The following KCNQ5 variants were observed in gnomAD, a reference collection of about 807,000 sequenced individuals.
KCNQ5 encodes the protein potassium voltage-gated channel subfamily Q member 5.
KCNQ5 carries 30 observed loss-of-function variants against 98.2 expected under a neutral mutation model. The observed-to-expected ratio is 0.31, with a 90% CI of 0.23 to 0.41. KCNQ5 has a LOEUF of 0.41. Among genes scored for constraint, KCNQ5 ranks in the 10% least tolerant of loss-of-function variants. The pLI, the probability that KCNQ5 is intolerant of heterozygous loss-of-function variation, is 1.00. For missense variants in KCNQ5, 835 were observed against 1,182.5 expected, an observed-to-expected ratio of 0.71 and a Z score of 4.31; for synonymous variants, 458 against 449.4, an observed-to-expected ratio of 1.02 and a Z score of -0.24.
At chr6:72,879,675 T>C (rs1398252619) in intron 1 of KCNQ5, among the ~76,000 whole-genome samples, 2 of 152,214 alleles carry the variant, frequency 1.3e-5, no homozygotes, top group African/African-American at 4.8e-5. Flanking sequence ...CCTAATGTAA[T>C]GAGGTTATGC....
chr6:72,733,525 TC>T (rs1408891996), intron 1 of KCNQ5, among the ~76,000 whole-genome samples: 7 of 152,186 alleles, frequency 4.6e-5, no homozygotes, highest in South Asian at 2.1e-4. Flanking sequence ...TTTATGTCCA[TC>T]TTTTTAAAAA....
intron 1 of KCNQ5, among the ~76,000 whole-genome samples, chr6:72,670,763 T>A (rs1343218730): frequency 1.3e-5 from 2 of 152,158 alleles, no homozygotes; most frequent in Non-Finnish European, 2.9e-5. Context: ...TCTCTTCTTA[T>A]AAGGACATGA....
At chr6:73,099,925 G>T (rs923731149) in intron 5 of KCNQ5, among the ~76,000 whole-genome samples, 1 of 152,144 alleles carries the variant, frequency 6.6e-6, no homozygotes, top group African/African-American at 2.4e-5. Flanking sequence ...GATAGATCAG[G>T]ATAGGCCACA....
intron 1 of KCNQ5, among the ~76,000 whole-genome samples, chr6:72,635,034 C>CTT (rs1182687944): frequency 7.7e-5 from 11 of 142,826 alleles, no homozygotes; most frequent in South Asian, 2.2e-4. Context: ...TCCCCTCACC[C>CTT]TTTTTTTTTT....
intron 1 of KCNQ5, among the ~76,000 whole-genome samples, chr6:72,761,582 G>A (rs1035588821): frequency 1.3e-5 from 2 of 151,000 alleles, no homozygotes; most frequent in Admixed American, 6.6e-5. Flanking sequence ...AAACATAAAG[G>A]TTTATAAAGT....
intron 10 of KCNQ5, among the ~76,000 whole-genome samples, chr6:73,149,495 C>T (rs752385769): frequency 1.1e-4 from 16 of 152,062 alleles, no homozygotes; most frequent in East Asian, 9.7e-4. Flanking sequence ...AAAGGCACTA[C>T]CCATAAAAAG....
rs117220825 is a variant in KCNQ5, at chr6:72,826,013, C to A, written c.399-177895C>A. Among the ~76,000 whole-genome samples the A allele has an allele frequency of 7.9e-3, 1,207 of 152,214 alleles. 8 individuals carry two copies. The highest frequency in any genetic ancestry group is 0.012 in the Non-Finnish European group (844 of 68,012). ...AGCGTTGTGCCTGCAAGCAATCACA[C>A]TTCTCTGGTGGAAAAGCCATTCTGA... On this transcript the variant is annotated intron_variant, in intron 1 of 13. Transcript: ENST00000370398.
At chr6:72,708,667 C>G (rs747316397) in intron 1 of KCNQ5, among the ~76,000 whole-genome samples, 4 of 152,064 alleles carry the variant, frequency 2.6e-5, no homozygotes, top group Non-Finnish European at 5.9e-5. Flanking sequence ...GACTATAAGC[C>G]CACACCACCC....
rs202017289 is a variant in KCNQ5 at position 73,194,484 on chromosome 6, A to G, written c.1869A>G (p.Leu623=). 6.2e-7 allele frequency: 1 copy of G among 1,614,108 alleles called. No individual in the cohort carries two copies. The change falls in exon 14 of 14, where the codon CTA becomes CTG. Residue 623 remains leucine, a synonymous_variant. Transcript: ENST00000370398. ...CCATAGAATCCAAGCTGGACTGCCT[A>G]CTAGACATCTATCAACAGGTCCTTC... The part of the protein sequence containing the change: ...VQSIESKLDC[L]LDIYQQVLRK...
At chr6:72,995,828 A>G (rs1769271145) in intron 1 of KCNQ5, among the ~76,000 whole-genome samples, 1 of 152,230 alleles carries the variant, frequency 6.6e-6, no homozygotes, top group African/African-American at 2.4e-5. Flanking sequence ...ATTTAAGTTC[A>G]ATTTGAATCA....
At position 72,635,783 on chromosome 6, in the gene KCNQ5, T is replaced by C. The variant is rs139617610; in HGVS notation, c.398+13196T>C. Among the ~76,000 whole-genome samples the C allele has an allele frequency of 9.1e-3, 1,383 of 151,676 alleles. 12 individuals carry two copies. The highest frequency in any genetic ancestry group is 0.021 in the East Asian group (107 of 5,168). Reference sequence around the variant, plus strand: ...TTGCTTTCTTTTCCTCTGAAAGCTGTCTGTTCTTAAGAGATGCATTGAATT... The same window carrying C: ...TTGCTTTCTTTTCCTCTGAAAGCTGCCTGTTCTTAAGAGATGCATTGAATT... On this transcript the variant is annotated intron_variant, in intron 1 of 13. Coordinates refer to ENST00000370398, the MANE Select transcript of KCNQ5 (RefSeq NM_019842.4).
At chr6:72,648,906 T>A (rs1405325934) in intron 1 of KCNQ5, among the ~76,000 whole-genome samples, 2 of 151,916 alleles carry the variant, frequency 1.3e-5, no homozygotes, top group African/African-American at 4.8e-5. Flanking sequence ...ATACTCAAGG[T>A]GGTTATGTTC....
chr6:73,107,762 T>C lies in KCNQ5; in HGVS notation c.1029+2395T>C, dbSNP rs1015130573. On this transcript the variant is annotated intron_variant, in intron 6 of 13. Coordinates refer to ENST00000370398, the MANE Select transcript of KCNQ5 (RefSeq NM_019842.4). Reference sequence around the variant, plus strand: ...TTTTTATATGCAAATTAAATTAACCTATGTTGGAAATCTGAAAATTTTGCT... The same window carrying C: ...TTTTTATATGCAAATTAAATTAACCCATGTTGGAAATCTGAAAATTTTGCT... Among the ~76,000 whole-genome samples, 6 of 152,332 alleles carry C rather than the reference T, an allele frequency of 3.9e-5. 1 individual carries two copies.
chr6:72,847,881 T>A lies in KCNQ5; in HGVS notation c.399-156027T>A, dbSNP rs191852414. 1.8e-3 allele frequency among the ~76,000 whole-genome samples: 279 copies of A among 152,262 alleles called. 5 individuals are homozygous for A. The highest frequency in any genetic ancestry group is 0.017 in the Admixed American group (253 of 15,274). On this transcript the variant is annotated intron_variant, in intron 1 of 13. Coordinates refer to ENST00000370398, the MANE Select transcript of KCNQ5 (RefSeq NM_019842.4). ...TCTGACACTTAGAGTGGTAGCACCT[T>A]CCTTAGATCGGGAAAGCCAAATAGC...
rs149259741 is a variant in KCNQ5, at chr6:72,725,697, C to G, written c.398+103110C>G. On this transcript the variant is annotated intron_variant, in intron 1 of 13. Coordinates refer to ENST00000370398, the MANE Select transcript of KCNQ5 (RefSeq NM_019842.4). The stretch of plus-strand genomic sequence containing the variant: ...ATGTTTTCACCACAAAAAAAATGGT[C>G]AGTATGTGAGGTGGCAGCTTTGTTA... 1.6e-3 allele frequency among the ~76,000 whole-genome samples: 249 copies of G among 152,198 alleles called. 2 individuals carry two copies. The highest frequency in any genetic ancestry group is 5.8e-3 in the African/African-American group (239 of 41,538).
intron 1 of KCNQ5, among the ~76,000 whole-genome samples, chr6:72,984,173 C>T (rs945924152): frequency 1.3e-5 from 2 of 152,204 alleles, no homozygotes; most frequent in East Asian, 3.8e-4. Context: ...GTCAGGGACC[C>T]ACTTGAGGAG....
intron 1 of KCNQ5, among the ~76,000 whole-genome samples, chr6:72,942,766 A>C (rs1766368629): frequency 6.6e-6 from 1 of 152,174 alleles, no homozygotes; most frequent in Admixed American, 6.5e-5. Flanking sequence ...AAACCTAACA[A>C]GTCCAGTTTA....
At chr6:73,098,734 C>T (rs752661519) in intron 5 of KCNQ5, among the ~76,000 whole-genome samples, 1 of 152,024 alleles carries the variant, frequency 6.6e-6, no homozygotes, top group South Asian at 2.1e-4. Flanking sequence ...CCAGACCTGT[C>T]CTATAAGAAA....
chr6:72,870,338 G>C (rs1234374855), intron 1 of KCNQ5, among the ~76,000 whole-genome samples: 1 of 152,064 alleles, frequency 6.6e-6, no homozygotes, highest in East Asian at 1.9e-4. Flanking sequence ...GCAGTGGCAT[G>C]ATCTGCAGCT....
Sources: gnomAD v4.1 joint callset for allele counts (sites outside exome capture counted in the v4.1 genomes callset) on GRCh38, gnomAD v4.1.1 for gene constraint, MANE v1.5 for transcripts, NCBI Gene and HGNC (gene_info 2026-07-23, HGNC 2026-07-21) for gene names.